DYNC1I1: variants seen among roughly 807,000 people sequenced by gnomAD.
DYNC1I1 encodes cytoplasmic dynein 1 intermediate chain 1.
DYNC1I1 carries 43 observed loss-of-function variants against 86.6 expected under a neutral mutation model. The observed-to-expected ratio is 0.50, with a 90% CI of 0.39 to 0.64. The LOEUF (loss-of-function observed/expected upper bound fraction) is 0.64, where lower values mean the gene tolerates loss of function less well. DYNC1I1 is among the 30% of genes least tolerant of loss of function. The probability of loss-of-function intolerance (pLI) is 0.00; values close to 1 mark genes in which losing one functional copy is unlikely to be tolerated. For synonymous variants in DYNC1I1, 262 were observed against 283.7 expected (o/e 0.92, Z 0.77); for missense variants, 604 against 788.8 (o/e 0.77, Z 2.81).
At chr7:95,868,384 A>G (rs1245031644) in intron 5 of DYNC1I1, among the ~76,000 whole-genome samples, 3 of 152,230 alleles carry the variant, frequency 2.0e-5, no homozygotes, top group Non-Finnish European at 4.4e-5. Flanking sequence ...GAAAATTCCT[A>G]ACTGTGCCAT....
rs56835338 is a variant in DYNC1I1 at position 95,980,536 on chromosome 7, CTTTTTTTTTTTTT to C, written c.580+2949_580+2961del. Among the ~76,000 whole-genome samples the C allele has an allele frequency of 1.8e-4, 10 of 54,440 alleles. No individual in the cohort carries two copies. In the East Asian group the frequency reaches 3.6e-3, roughly 20 times the overall value. 35.7% of individuals were successfully genotyped at this position (54,440 alleles called of 152,430 possible). On this transcript the variant is annotated intron_variant, in intron 7 of 16. Transcript: ENST00000447467. The stretch of plus-strand genomic sequence containing the variant: ...GGGAACACATTTTTGAGAAATCTGG[CTTTTTTTTTTTTT>C]TTTTTTTTTTTTTGGAGTGAAAAGG...
At chr7:95,960,828 A>C (rs1398464398) in intron 6 of DYNC1I1, among the ~76,000 whole-genome samples, 1 of 152,210 alleles carries the variant, frequency 6.6e-6, no homozygotes, top group East Asian at 1.9e-4. Context: ...TCCAGATAAT[A>C]AACCCTGTTC....
chr7:96,107,557 A>G (rs184606178), intron 16 of DYNC1I1, among the ~76,000 whole-genome samples: 2 of 146,372 alleles, frequency 1.4e-5, no homozygotes, highest in Non-Finnish European at 3.0e-5. Context: ...TTTGAAATAG[A>G]GTCTTGCTCT....
intron 1 of DYNC1I1, among the ~76,000 whole-genome samples, chr7:95,792,926 A>G (rs1794342043): frequency 6.6e-6 from 1 of 152,134 alleles, no homozygotes; most frequent in African/African-American, 2.4e-5. Context: ...GTAAATTGTG[A>G]ACTAGGGAGT....
chr7:95,990,032 A>G (rs2115720288), intron 9 of DYNC1I1, among the ~76,000 whole-genome samples: 1 of 152,296 alleles, frequency 6.6e-6, no homozygotes, highest in Admixed American at 6.5e-5. Context: ...ACAGAATAGA[A>G]CTGAGAGGAG....
intron 6 of DYNC1I1, among the ~76,000 whole-genome samples, chr7:95,896,124 G>A (rs116998272): frequency 0.019 from 2,880 of 152,250 alleles, 48 homozygotes; most frequent in East Asian, 0.028. Context: ...GCTTGTTGAT[G>A]GCCACTTTCT....
At chr7:96,003,154 T>C (rs1794054949) in intron 10 of DYNC1I1, among the ~76,000 whole-genome samples, 1 of 152,188 alleles carries the variant, frequency 6.6e-6, no homozygotes, top group Admixed American at 6.5e-5. Context: ...AACTCAGCAT[T>C]TTAATAACCC....
chr7:95,980,874 T>A (rs1793442133), intron 7 of DYNC1I1, among the ~76,000 whole-genome samples: 1 of 152,120 alleles, frequency 6.6e-6, no homozygotes, highest in African/African-American at 2.4e-5. Flanking sequence ...AACCTCACAT[T>A]GACGTCAAAG....
At chr7:95,894,462 G>C (rs1163384043) in intron 6 of DYNC1I1, among the ~76,000 whole-genome samples, 1 of 151,992 alleles carries the variant, frequency 6.6e-6, no homozygotes, top group East Asian at 1.9e-4. Flanking sequence ...TGAATTTGGG[G>C]GGGGGACATA....
At chr7:95,942,824 C>G (rs1289733276) in intron 6 of DYNC1I1, among the ~76,000 whole-genome samples, 1,155 of 106,378 alleles carry the variant, frequency 0.011, 10 homozygotes, top group African/African-American at 0.036. Context: ...ATTCAACAAC[C>G]CTTCATGCTA....
chr7:96,090,532 C>A (rs1018747788), intron 16 of DYNC1I1, among the ~76,000 whole-genome samples: 2 of 143,292 alleles, frequency 1.4e-5, no homozygotes, highest in African/African-American at 5.3e-5. Flanking sequence ...AAAAAAAAAA[C>A]GTGGTAAAAA....
At chr7:96,100,368 C>T (rs79194551), downstream of DYNC1I1, among the ~76,000 whole-genome samples, 25 of 141,294 alleles carry the variant, frequency 1.8e-4, no homozygotes, top group Admixed American at 4.1e-4. Flanking sequence ...TCCTTCCTTC[C>T]TTCCTTCCTT....
rs1265617761 is a variant in DYNC1I1 at position 96,105,618 on chromosome 7, T to C, written c.1543-4361T>C. On this transcript the variant is annotated intron_variant, in intron 16 of 16. Coordinates refer to the DYNC1I1 transcript ENST00000537881. ...GTGAATACTGATCTATAATTTTCTATTGTAATGTCTTTGTCAGGTTTTAGT... is the reference window on the plus strand; with the variant it reads ...GTGAATACTGATCTATAATTTTCTACTGTAATGTCTTTGTCAGGTTTTAGT... 3.3e-5 allele frequency among the ~76,000 whole-genome samples: 5 copies of C among 152,304 alleles called. No individual in the cohort carries two copies. In the East Asian group the frequency reaches 9.6e-4, roughly 29 times the overall value.
chr7:95,783,137 C>T (rs1794039008), intron 1 of DYNC1I1, among the ~76,000 whole-genome samples: 1 of 152,152 alleles, frequency 6.6e-6, no homozygotes, highest in South Asian at 2.1e-4. Context: ...GGGAACCACC[C>T]TCTTCTACCC....
intron 6 of DYNC1I1, among the ~76,000 whole-genome samples, chr7:95,966,968 G>A (rs908075319): frequency 1.3e-5 from 2 of 152,156 alleles, no homozygotes; most frequent in African/African-American, 2.4e-5. Context: ...TGCTGAGTGA[G>A]GAGATTCATG....
At chr7:95,974,932 C>T (rs1793265259) in intron 6 of DYNC1I1, among the ~76,000 whole-genome samples, 1 of 152,130 alleles carries the variant, frequency 6.6e-6, no homozygotes, top group South Asian at 2.1e-4. Flanking sequence ...GTCCTTTCTC[C>T]ATGGCATTTC....
At chr7:95,822,964 G>T (rs1479131725) in intron 4 of DYNC1I1, among the ~76,000 whole-genome samples, 1 of 152,134 alleles carries the variant, frequency 6.6e-6, no homozygotes, top group East Asian at 1.9e-4. Context: ...GGGAGGGCAG[G>T]GGAAGCTGTC....
At chr7:96,003,536 A>T (rs1451577233) in intron 10 of DYNC1I1, among the ~76,000 whole-genome samples, 1 of 152,146 alleles carries the variant, frequency 6.6e-6, no homozygotes, top group African/African-American at 2.4e-5. Flanking sequence ...CTGGACTATC[A>T]GATTATGCAT....
At chr7:96,004,677 C>A (rs1384174435) in intron 10 of DYNC1I1, among the ~76,000 whole-genome samples, 4 of 149,566 alleles carry the variant, frequency 2.7e-5, no homozygotes, top group African/African-American at 9.9e-5. Flanking sequence ...CACACACACA[C>A]AACCAAGACT....
Sources: gnomAD v4.1 joint callset for allele counts (sites outside exome capture counted in the v4.1 genomes callset) on GRCh38, gnomAD v4.1.1 for gene constraint, MANE v1.5 for transcripts, NCBI Gene and HGNC (gene_info 2026-07-23, HGNC 2026-07-21) for gene names.